MTX2: variants seen among roughly 807,000 people sequenced by gnomAD.
MTX2 encodes the protein metaxin 2, also known as metaxin-2.
In MTX2, 35 loss-of-function variants were observed where a neutral mutation model predicts 42.3. The observed-to-expected ratio is 0.83, with a 90% CI of 0.63 to 1.10. MTX2 has a LOEUF of 1.10. MTX2 is among the 50% of genes least tolerant of loss of function. MTX2 has a pLI of 0.00. For synonymous variants in MTX2, 119 were observed against 100.9 expected (o/e 1.18, Z -1.08); for missense variants, 307 against 304.1 (o/e 1.01, Z -0.07).
chr2:176,286,437 G>A (rs544358594), intron 1 of MTX2, among the ~76,000 whole-genome samples: 2 of 152,102 alleles, frequency 1.3e-5, no homozygotes, highest in South Asian at 4.1e-4. Context: ...CTTTTTCTGT[G>A]TTTTCAATCT....
intron 3 of MTX2, among the ~76,000 whole-genome samples, chr2:176,309,278 C>A (rs1230222194): frequency 2.0e-5 from 3 of 152,150 alleles, no homozygotes; most frequent in East Asian, 1.9e-4. Context: ...GATTTCAGTT[C>A]TTTTACATTT....
In MTX2 at chr2:176,328,184, C is replaced by T. The variant is rs140760270; in HGVS notation, c.286-109C>T. On this transcript the variant is annotated intron_variant, in intron 5 of 9. Coordinates refer to ENST00000249442, the MANE Select transcript of MTX2 (RefSeq NM_006554.5). ...AATAATTTTTAGGGGGCATTTTGGA[C>T]GTTTAATTCATTGTATAGTTGCATG... The T allele has an allele frequency of 2.8e-3, 1,523 of 542,458 alleles. 6 individuals carry two copies. Among genetic ancestry groups the T allele is most frequent in the Non-Finnish European group, 3.9e-3 (1,278 of 324,222 alleles). 33.6% of individuals were successfully genotyped at this position (542,458 alleles called of 1,614,324 possible). A position where few individuals can be genotyped will look rare whatever the true frequency, so the allele number is the denominator to read the frequency against.
At chr2:176,311,968 AC>A (rs1684322283) in intron 3 of MTX2, among the ~76,000 whole-genome samples, 1 of 151,982 alleles carries the variant, frequency 6.6e-6, no homozygotes, top group African/African-American at 2.4e-5. Context: ...TGCAGAAATC[AC>A]CCATCTTCTG....
chr2:176,308,219 T>G (rs1161843016), intron 3 of MTX2, among the ~76,000 whole-genome samples: 1 of 152,232 alleles, frequency 6.6e-6, no homozygotes, highest in Non-Finnish European at 1.5e-5. Flanking sequence ...TTGCGTATGT[T>G]GAACCAGCCT....
chr2:176,271,296 ATAAT>A (rs1291073002), intron 1 of MTX2, among the ~76,000 whole-genome samples: 8 of 152,346 alleles, frequency 5.3e-5, no homozygotes, highest in African/African-American at 1.7e-4. Flanking sequence ...TTGTAATAAA[ATAAT>A]TAGAGGAAAA....
At position 176,276,321 on chromosome 2, in the gene MTX2, C is replaced by T. The variant is rs927519218; in HGVS notation, c.40+6652C>T. ...TGAATCTTGGTATAGGTCATATTGGCGGTCTGTTAATTAGAATTGCCATAG... is the reference window on the plus strand; with the variant it reads ...TGAATCTTGGTATAGGTCATATTGGTGGTCTGTTAATTAGAATTGCCATAG... On this transcript the variant is annotated intron_variant, in intron 1 of 9. Coordinates refer to ENST00000249442, the MANE Select transcript of MTX2 (RefSeq NM_006554.5). 7.9e-5 allele frequency among the ~76,000 whole-genome samples: 12 copies of T among 152,060 alleles called. 1 individual carries two copies. Among genetic ancestry groups the T allele is most frequent in the Admixed American group, 4.6e-4 (7 of 15,262 alleles).
At chr2:176,318,928 T>G (rs568911906) in intron 3 of MTX2, among the ~76,000 whole-genome samples, 4 of 152,336 alleles carry the variant, frequency 2.6e-5, no homozygotes, top group Admixed American at 1.3e-4. Context: ...CTAGTGTGAC[T>G]AGGGAACTGA....
intron 1 of MTX2, among the ~76,000 whole-genome samples, chr2:176,271,749 T>C (rs1428041686): frequency 1.3e-5 from 2 of 152,186 alleles, no homozygotes; most frequent in African/African-American, 4.8e-5. Context: ...AAATTCTACT[T>C]ATGGGGGTTT....
At chr2:176,314,568 G>T (rs1368572579) in intron 3 of MTX2, among the ~76,000 whole-genome samples, 1 of 152,090 alleles carries the variant, frequency 6.6e-6, no homozygotes, top group Non-Finnish European at 1.5e-5. Context: ...TGGGATTGAA[G>T]ACTTGAAATT....
chr2:176,296,642 C>T (rs1683894057), intron 1 of MTX2, among the ~76,000 whole-genome samples: 1 of 152,014 alleles, frequency 6.6e-6, no homozygotes, highest in African/African-American at 2.4e-5. Flanking sequence ...AAAAAACAAT[C>T]ACCAAACAAT....
At position 176,269,463 on chromosome 2, in the gene MTX2, T is replaced by G. The variant is rs974748518; in HGVS notation, c.-167T>G. 8 of 696,088 alleles carry G rather than the reference T, an allele frequency of 1.1e-5. No homozygotes were observed. Among genetic ancestry groups the G allele is most frequent in the African/African-American group, 1.9e-5 (1 of 52,532 alleles). The allele number at this position is 696,088 out of a possible 1,614,324, so 43.1% of individuals were successfully genotyped here. The stretch of plus-strand genomic sequence containing the variant: ...GGAAGTCCCTAGCCAGGCCTGGCGG[T>G]AACCTTGGGGGCCTCACTGCAGCCG... On this transcript the variant is annotated 5_prime_UTR_variant, in exon 1 of 10. Coordinates refer to ENST00000249442, the MANE Select transcript of MTX2 (RefSeq NM_006554.5).
chr2:176,312,578 A>G (rs1167783506), intron 3 of MTX2, among the ~76,000 whole-genome samples: 1 of 152,126 alleles, frequency 6.6e-6, no homozygotes, highest in Non-Finnish European at 1.5e-5. Flanking sequence ...GAAAAGTGCT[A>G]TTGGGCCGGG....
intron 9 of MTX2, among the ~76,000 whole-genome samples, chr2:176,331,221 T>A (rs1684855154): frequency 6.6e-6 from 1 of 151,112 alleles, no homozygotes; most frequent in South Asian, 2.1e-4. Flanking sequence ...AATGTTTCAT[T>A]AATAGATTTG....
At chr2:176,331,741 C>A (rs962813910) in intron 9 of MTX2, among the ~76,000 whole-genome samples, 6 of 151,122 alleles carry the variant, frequency 4.0e-5, no homozygotes, top group Admixed American at 1.3e-4. Flanking sequence ...TCTACAGATT[C>A]TATTTTTCAG....
At chr2:176,317,967 T>C (rs947219589) in intron 3 of MTX2, among the ~76,000 whole-genome samples, 3 of 152,234 alleles carry the variant, frequency 2.0e-5, no homozygotes, top group Non-Finnish European at 1.5e-5. Context: ...ATCTTCCTAG[T>C]TTCTGTGATG....
chr2:176,274,916 G>A (rs756865341), intron 1 of MTX2, among the ~76,000 whole-genome samples: 7 of 152,152 alleles, frequency 4.6e-5, no homozygotes, highest in Non-Finnish European at 8.8e-5. Flanking sequence ...AAATGACGTT[G>A]CCTCTCTTCT....
At chr2:176,299,863 A>G (rs528484207) in intron 3 of MTX2, among the ~76,000 whole-genome samples, 1 of 152,240 alleles carries the variant, frequency 6.6e-6, no homozygotes, top group East Asian at 1.9e-4. Flanking sequence ...ATAGTCTGCC[A>G]GTTAGGCCAT....
intron 1 of MTX2, among the ~76,000 whole-genome samples, chr2:176,279,794 A>G (rs1220756497): frequency 3.3e-5 from 5 of 152,096 alleles, no homozygotes; most frequent in Non-Finnish European, 5.9e-5. Flanking sequence ...ATCTACGTGC[A>G]CTGATTTTCT....
chr2:176,278,981 TTTGA>T (rs1301927457), intron 1 of MTX2, among the ~76,000 whole-genome samples: 81 of 152,320 alleles, frequency 5.3e-4, no homozygotes, highest in Middle Eastern at 3.4e-3. Flanking sequence ...AAAAATGAAA[TTTGA>T]TTGGTTGGTA....
Sources: gnomAD v4.1 joint callset for allele counts (sites outside exome capture counted in the v4.1 genomes callset) on GRCh38, gnomAD v4.1.1 for gene constraint, MANE v1.5 for transcripts, NCBI Gene and HGNC (gene_info 2026-07-23, HGNC 2026-07-21) for gene names.